DLG2: variants seen among roughly 807,000 people sequenced by gnomAD.
DLG2 encodes disks large homolog 2.
DLG2 carries 45 observed loss-of-function variants against 132.5 expected under a neutral mutation model. The observed-to-expected ratio is 0.34, with a 90% CI of 0.27 to 0.44. The LOEUF is 0.44. Among genes scored for constraint, DLG2 ranks in the 20% least tolerant of loss-of-function variants. DLG2 has a pLI of 1.00. For missense variants in DLG2, 1,045 were observed against 1,196.9 expected, an observed-to-expected ratio of 0.87 and a Z score of 1.87; for synonymous variants, 424 against 419.6, an observed-to-expected ratio of 1.01 and a Z score of -0.13.
intron 22 of DLG2, chr11:83,480,344 A>C: frequency 6.5e-7 from 1 of 1,531,412 alleles, no homozygotes; most frequent in Non-Finnish European, 8.8e-7. Context: ...TGCAAAGAAA[A>C]TAACCGCAAA....
At chr11:84,356,141 TTTTG>T (rs572220938) in intron 7 of DLG2, among the ~76,000 whole-genome samples, 71 of 152,240 alleles carry the variant, frequency 4.7e-4, no homozygotes, top group Admixed American at 1.8e-3. Flanking sequence ...CAGACTCAGT[TTTTG>T]TTTGTTTTTG....
intron 7 of DLG2, among the ~76,000 whole-genome samples, chr11:84,367,425 A>G (rs1374242843): frequency 6.6e-6 from 1 of 152,074 alleles, no homozygotes; most frequent in African/African-American, 2.4e-5. Flanking sequence ...TGGCCCATGA[A>G]CTGTAGTTGT....
chr11:84,187,429 G>C (rs2096298090), intron 8 of DLG2, among the ~76,000 whole-genome samples: 1 of 151,968 alleles, frequency 6.6e-6, no homozygotes, highest in Non-Finnish European at 1.5e-5. Context: ...TAGTGTACTT[G>C]TGTGGATTTT....
intron 6 of DLG2, among the ~76,000 whole-genome samples, chr11:84,852,086 C>A (rs1443333174): frequency 1.3e-5 from 2 of 151,872 alleles, no homozygotes; most frequent in Non-Finnish European, 2.9e-5. Flanking sequence ...CTATATTTAC[C>A]TTTTGGATCA....
chr11:83,978,331 C>G (rs1268375121), intron 12 of DLG2, among the ~76,000 whole-genome samples: 1 of 151,948 alleles, frequency 6.6e-6, no homozygotes, highest in Non-Finnish European at 1.5e-5. Flanking sequence ...AGTCAAAGGT[C>G]AAACCAGTAA....
chr11:84,415,527 AAAC>A (rs1218340165), intron 7 of DLG2, among the ~76,000 whole-genome samples: 1 of 152,206 alleles, frequency 6.6e-6, no homozygotes, highest in Non-Finnish European at 1.5e-5. Flanking sequence ...CCGCTAGATG[AAAC>A]AACTGCCAGA....
chr11:84,574,583 T>C (rs2099494536), intron 6 of DLG2, among the ~76,000 whole-genome samples: 1 of 152,190 alleles, frequency 6.6e-6, no homozygotes, highest in Non-Finnish European at 1.5e-5. Context: ...ATGTTGTCTA[T>C]AATGATCTTA....
chr11:83,945,804 C>CTG (rs1206327908), intron 14 of DLG2, among the ~76,000 whole-genome samples: 5 of 62,130 alleles, frequency 8.0e-5, no homozygotes, highest in Non-Finnish European at 1.4e-4. Flanking sequence ...AGAGAAATGC[C>CTG]TCTGTGTGTG....
chr11:84,853,095 T>C (rs976779522), intron 6 of DLG2, among the ~76,000 whole-genome samples: 3 of 152,046 alleles, frequency 2.0e-5, no homozygotes, highest in African/African-American at 7.2e-5. Flanking sequence ...TTCAGTTTTA[T>C]TGATGAAAAA....
chr11:85,107,631 C>T (rs2071988282), intron 6 of DLG2, among the ~76,000 whole-genome samples: 1 of 151,900 alleles, frequency 6.6e-6, no homozygotes, highest in Non-Finnish European at 1.5e-5. Flanking sequence ...CAATTGTTTG[C>T]AGATGGCAGA....
intron 3 of DLG2, among the ~76,000 whole-genome samples, chr11:85,412,458 T>C (rs561244141): frequency 6.6e-6 from 1 of 151,814 alleles, no homozygotes; most frequent in Non-Finnish European, 1.5e-5. Context: ...GAGATTTTAA[T>C]GCACCCATCA....
intron 7 of DLG2, among the ~76,000 whole-genome samples, chr11:84,271,949 C>CAAAAAAAAAAAAAAAAAAAAAAAAA (rs71036417): frequency 1.3e-5 from 1 of 77,792 alleles, no homozygotes; most frequent in Non-Finnish European, 2.6e-5. Context: ...TTGATAATAA[C>CAAAAAAAAAAAAAAAAAAAAAAAAA]AAAAAAAAAA....
At chr11:83,556,979 C>T (rs1358099634) in intron 19 of DLG2, among the ~76,000 whole-genome samples, 1 of 150,754 alleles carries the variant, frequency 6.6e-6, no homozygotes, top group Non-Finnish European at 1.5e-5. Flanking sequence ...AATATGAAGC[C>T]ATGACTGTGT....
intron 15 of DLG2, among the ~76,000 whole-genome samples, chr11:83,885,314 A>C (rs1173009709): frequency 3.3e-5 from 5 of 152,246 alleles, no homozygotes; most frequent in Non-Finnish European, 7.3e-5. Flanking sequence ...AAACCTCAGG[A>C]GCCAATGTGA....
At chr11:84,784,664 A>C (rs1458265576) in intron 6 of DLG2, among the ~76,000 whole-genome samples, 1 of 152,110 alleles carries the variant, frequency 6.6e-6, no homozygotes, top group Non-Finnish European at 1.5e-5. Flanking sequence ...TCTAGTACCA[A>C]CAAAAATTCT....
chr11:83,489,401 A>T (rs1483955893), intron 21 of DLG2, among the ~76,000 whole-genome samples: 1 of 152,026 alleles, frequency 6.6e-6, no homozygotes, highest in Non-Finnish European at 1.5e-5. Flanking sequence ...AAACACATAG[A>T]TCAGAAGAAA....
intron 4 of DLG2, among the ~76,000 whole-genome samples, chr11:85,253,540 C>G (rs1174667866): frequency 2.0e-5 from 3 of 152,122 alleles, no homozygotes; most frequent in Non-Finnish European, 4.4e-5. Context: ...GAACTACATA[C>G]CAGCCCAGCA....
chr11:85,628,156 G>A (rs2082115972), upstream of DLG2, among the ~76,000 whole-genome samples: 1 of 152,186 alleles, frequency 6.6e-6, no homozygotes, highest in Non-Finnish European at 1.5e-5. Flanking sequence ...TCCGGGGTTT[G>A]GAGGAGGAGG....
At chr11:83,856,301 G>GA (rs1490794013) in intron 16 of DLG2, among the ~76,000 whole-genome samples, 3 of 152,048 alleles carry the variant, frequency 2.0e-5, no homozygotes, top group African/African-American at 7.2e-5. Flanking sequence ...ACATATGCTT[G>GA]AATTTTCTTT....
Sources: gnomAD v4.1 joint callset for allele counts (sites outside exome capture counted in the v4.1 genomes callset) on GRCh38, gnomAD v4.1.1 for gene constraint, MANE v1.5 for transcripts, NCBI Gene and HGNC (gene_info 2026-07-23, HGNC 2026-07-21) for gene names.